UBE2K: variants seen among roughly 807,000 people sequenced by gnomAD.
UBE2K encodes ubiquitin conjugating enzyme E2 K.
A neutral mutation model predicts 30.0 loss-of-function variants in UBE2K; 6 were observed. The observed-to-expected ratio is 0.20, with a 90% CI of 0.11 to 0.39. The LOEUF (loss-of-function observed/expected upper bound fraction) is 0.39. Among genes scored for constraint, UBE2K ranks in the 10% least tolerant of loss-of-function variants. UBE2K has a pLI of 1.00. For synonymous variants in UBE2K, 86 were observed against 83.7 expected (o/e 1.03, Z -0.15); for missense variants, 61 against 241.6 (o/e 0.25, Z 4.96).
In UBE2K at chr4:39,765,369, C is replaced by G. The variant is rs1020448954; in HGVS notation, c.300-9465C>G. Among the ~76,000 whole-genome samples, 4 of 151,716 alleles carry G rather than the reference C, an allele frequency of 2.6e-5. No individual in the cohort carries two copies. The East Asian group carries it at 5.9e-4, about 22-fold the overall frequency. ...TGAAACTCCATCTCTACAAAAAATA[C>G]AAAAATTAGCCAGGCATGGTGGCGT... On this transcript the variant is annotated intron_variant, in intron 4 of 6. Transcript: ENST00000261427.
chr4:39,718,577 C>A (rs1719238723), intron 1 of UBE2K, among the ~76,000 whole-genome samples: 1 of 152,226 alleles, frequency 6.6e-6, no homozygotes, highest in Non-Finnish European at 1.5e-5. Flanking sequence ...AATGCTCAGG[C>A]CACGCAGGAG....
chr4:39,760,510 A>G (rs940110083), intron 4 of UBE2K, among the ~76,000 whole-genome samples: 1 of 152,220 alleles, frequency 6.6e-6, no homozygotes, highest in Non-Finnish European at 1.5e-5. Context: ...GATGAGACTC[A>G]GTCATGTTGA....
At chr4:39,737,293 G>T in intron 1 of UBE2K, 127 bp from the exon 2 acceptor site, 2 of 483,948 alleles carry the variant, frequency 4.1e-6, no homozygotes, top group Non-Finnish European at 3.6e-6. Context: ...TAGAAAAGCC[G>T]AGACTTATTT....
intron 2 of UBE2K, among the ~76,000 whole-genome samples, chr4:39,744,247 A>G (rs1361579370): frequency 6.6e-6 from 1 of 152,082 alleles, no homozygotes; most frequent in African/African-American, 2.4e-5. Context: ...ATCTGGGCTC[A>G]CTGCAAGCTC....
chr4:39,743,514 G>T (rs1054841036), intron 2 of UBE2K, among the ~76,000 whole-genome samples: 4 of 151,828 alleles, frequency 2.6e-5, no homozygotes, highest in African/African-American at 9.7e-5. Context: ...TGAGGCAGGA[G>T]AATGGCGTGA....
At chr4:39,751,829 T>C (rs758022811) in intron 3 of UBE2K, among the ~76,000 whole-genome samples, 2 of 151,760 alleles carry the variant, frequency 1.3e-5, no homozygotes, top group Non-Finnish European at 2.9e-5. Flanking sequence ...TAGTCGGGTG[T>C]GGTGGCGCAC....
rs1469784060 is a variant in UBE2K, at chr4:39,780,136, T to A, written c.*1702T>A. On this transcript the variant is annotated 3_prime_UTR_variant, in exon 7 of 7. Coordinates refer to ENST00000261427, the MANE Select transcript of UBE2K (RefSeq NM_005339.5). ...CCCCATATGTTTGCTTACGCATGTC[T>A]TTATACAATCACCTCTTTTTATTGC... is the stretch of plus-strand genomic sequence containing the variant. The A allele has an allele frequency of 6.6e-6, 1 of 152,186 alleles. No individual in the cohort carries two copies. Among genetic ancestry groups the A allele is most frequent in the Non-Finnish European group, 1.5e-5 (1 of 68,004 alleles). The allele number at this position is 152,186 out of a possible 1,614,324, so 9.4% of individuals were successfully genotyped here.
rs1578518366 is a variant in UBE2K, at chr4:39,778,851, T to C, written c.*417T>C. On this transcript the variant is annotated 3_prime_UTR_variant, in exon 7 of 7. Coordinates refer to ENST00000261427, the MANE Select transcript of UBE2K (RefSeq NM_005339.5). ...ACAGCTACCTTAACTGTTTTTAACA[T>C]GGATCCTCTGTGCCTGTGAATTTAC... 1.3e-5 allele frequency: 2 copies of C among 154,640 alleles called. No homozygotes were observed. The highest frequency in any genetic ancestry group is 3.8e-4 in the East Asian group (2 of 5,246). 9.6% of individuals were successfully genotyped at this position (154,640 alleles called of 1,614,324 possible). A position where few individuals can be genotyped will look rare whatever the true frequency, so the allele number is the denominator to read the frequency against.
chr4:39,706,389 C>T (rs986093661), intron 1 of UBE2K, among the ~76,000 whole-genome samples: 15 of 150,338 alleles, frequency 1.0e-4, no homozygotes, highest in African/African-American at 2.4e-4. Context: ...GTCTTAAACT[C>T]GCGGCCTCAG....
rs981235154 is a variant in UBE2K at position 39,708,987 on chromosome 4, T to C, written c.63+10597T>C. 9.9e-5 allele frequency among the ~76,000 whole-genome samples: 15 copies of C among 151,678 alleles called. 1 individual carries two copies. Among genetic ancestry groups the C allele is most frequent in the African/African-American group, 3.1e-4 (13 of 41,346 alleles). On this transcript the variant is annotated intron_variant, in intron 1 of 6. Coordinates refer to ENST00000261427, the MANE Select transcript of UBE2K (RefSeq NM_005339.5). The stretch of plus-strand genomic sequence containing the variant: ...GCCAAGGAGGTAGAGATTTTTTAAC[T>C]CCTGAAGCATAATTTAGTTAAGTTA...
At chr4:39,709,992 C>T (rs1330448891) in intron 1 of UBE2K, 1 of 151,516 alleles carries the variant, frequency 6.6e-6, no homozygotes, top group East Asian at 1.9e-4. Context: ...CAGTCTCATT[C>T]ATCTGACATC....
intron 4 of UBE2K, among the ~76,000 whole-genome samples, chr4:39,761,582 A>G (rs1711947867): frequency 6.6e-6 from 1 of 152,230 alleles, no homozygotes; most frequent in Non-Finnish European, 1.5e-5. Flanking sequence ...TGATTTATTC[A>G]TATTATCTTC....
chr4:39,716,848 AT>A (rs1015821380), intron 1 of UBE2K, among the ~76,000 whole-genome samples: 2 of 152,058 alleles, frequency 1.3e-5, no homozygotes, highest in African/African-American at 4.8e-5. Context: ...AATACAAAAA[AT>A]TAGTAGGGCA....
chr4:39,754,365 G>T (rs893940900), intron 3 of UBE2K, among the ~76,000 whole-genome samples: 1 of 152,184 alleles, frequency 6.6e-6, no homozygotes, highest in South Asian at 2.1e-4. Flanking sequence ...AGTCATTGGC[G>T]AATTAAAGTG....
chr4:39,744,973 TTA>T (rs1289329009), intron 2 of UBE2K, among the ~76,000 whole-genome samples: 2 of 141,468 alleles, frequency 1.4e-5, no homozygotes, highest in Admixed American at 6.7e-5. Context: ...TAGTTTGTCT[TTA>T]TGTCTATCTC....
At chr4:39,732,672 C>CTTT (rs10650873) in intron 1 of UBE2K, among the ~76,000 whole-genome samples, 22,789 of 114,936 alleles carry the variant, frequency 0.2, 3,105 homozygotes, top group African/African-American at 0.37. Flanking sequence ...CTTCTTCCCT[C>CTTT]TTTTTTTTTT....
intron 1 of UBE2K, among the ~76,000 whole-genome samples, chr4:39,713,410 G>A (rs192373242): frequency 6.6e-5 from 9 of 137,230 alleles, no homozygotes; most frequent in Admixed American, 4.5e-4. Context: ...TGCCCATCTC[G>A]GCATCCCAAA....
intron 1 of UBE2K, among the ~76,000 whole-genome samples, chr4:39,730,031 G>T (rs764829718): frequency 3.3e-5 from 5 of 152,146 alleles, no homozygotes; most frequent in Admixed American, 6.5e-5. Context: ...ATTGATACAG[G>T]TTAGAGAAAA....
intron 1 of UBE2K, among the ~76,000 whole-genome samples, chr4:39,729,000 A>G (rs948103579): frequency 5.5e-5 from 7 of 126,524 alleles, no homozygotes; most frequent in African/African-American, 2.1e-4. Context: ...AAGGAGTCTT[A>G]CTTTGTCGCC....
Sources: allele counts gnomAD v4.1 joint callset (sites outside exome capture counted in the v4.1 genomes callset), GRCh38; gene constraint gnomAD v4.1.1; transcripts MANE v1.5; gene names NCBI Gene and HGNC (gene_info 2026-07-23, HGNC 2026-07-21).